Variants in AJAP1 observed in about 807,000 individuals in gnomAD.
The protein encoded by AJAP1 is adherens junction-associated protein 1.
Under a neutral mutation model 35.0 loss-of-function variants are expected in AJAP1, and 5 were observed. The observed-to-expected ratio is 0.14, with a 90% CI of 0.07 to 0.30. The LOEUF is 0.30. AJAP1 is among the 10% of genes least tolerant of loss of function. The pLI is 1.00. For synonymous variants in AJAP1, 284 were observed against 249.3 expected (o/e 1.14, Z -1.31); for missense variants, 586 against 571.0 (o/e 1.03, Z -0.27).
At chr1:4,779,017 C>T (rs1360201186) in intron 5 of AJAP1, among the ~76,000 whole-genome samples, 4 of 152,208 alleles carry the variant, frequency 2.6e-5, no homozygotes, top group Non-Finnish European at 4.4e-5. Context: ...GGATGCCTTG[C>T]ACATCTGCCC....
chr1:4,732,623 G>T (rs566123492), intron 2 of AJAP1, among the ~76,000 whole-genome samples: 2 of 152,380 alleles, frequency 1.3e-5, no homozygotes, highest in East Asian at 3.9e-4. Flanking sequence ...CCTTGTGCCA[G>T]GCCCCACTGT....
rs138566094 is a variant in AJAP1 at position 4,720,205 on chromosome 1, T to C, written c.829+7506T>C. On this transcript the variant is annotated intron_variant, in intron 2 of 5. Coordinates refer to ENST00000378191, the MANE Select transcript of AJAP1 (RefSeq NM_018836.4). The surrounding 1 kb of genome is among the most constrained non-coding windows in gnomAD (Gnocchi z 4.4). ...GGCAGACGAACGAGTAATGGACCCATGTGCCACGTGGTTAGACATGAAGAC... is the reference window on the plus strand; with the variant it reads ...GGCAGACGAACGAGTAATGGACCCACGTGCCACGTGGTTAGACATGAAGAC... Among the ~76,000 whole-genome samples, 1 of 152,290 alleles carries C rather than the reference T, an allele frequency of 6.6e-6. No individual in the cohort carries two copies. Among genetic ancestry groups the C allele is most frequent in the East Asian group, 1.9e-4 (1 of 5,172 alleles).
At chr1:4,731,861 G>A (rs188668085) in intron 2 of AJAP1, among the ~76,000 whole-genome samples, 2 of 152,362 alleles carry the variant, frequency 1.3e-5, no homozygotes, top group East Asian at 1.9e-4. Context: ...GCTCAGGTGG[G>A]TCCTGGGAGG....
At chr1:4,756,347 C>T (rs1196152353) in intron 2 of AJAP1, among the ~76,000 whole-genome samples, 1 of 152,196 alleles carries the variant, frequency 6.6e-6, no homozygotes, top group Non-Finnish European at 1.5e-5. Context: ...AGCCCAGGAC[C>T]AGTGCTCAGG....
rs964729330 is a variant in AJAP1, at chr1:4,784,531, T to G, written c.*2046T>G. Reference sequence around the variant, plus strand: ...CCTGATTCTTCCCTTGGGCTCAGTCTCCCTCTAAAACACCTTGTGATATGC... The same window carrying G: ...CCTGATTCTTCCCTTGGGCTCAGTCGCCCTCTAAAACACCTTGTGATATGC... On this transcript the variant is annotated 3_prime_UTR_variant, in exon 6 of 6. Transcript: ENST00000378191. The G allele has an allele frequency of 6.6e-6, 1 of 152,190 alleles. No individual in the cohort carries two copies. Among genetic ancestry groups the G allele is most frequent in the African/African-American group, 2.4e-5 (1 of 41,442 alleles). 9.4% of individuals were successfully genotyped at this position (152,190 alleles called of 1,614,324 possible).
intron 2 of AJAP1, among the ~76,000 whole-genome samples, chr1:4,721,487 G>A (rs987024899): frequency 7.2e-5 from 11 of 152,330 alleles, no homozygotes; most frequent in Admixed American, 2.0e-4. Flanking sequence ...AGAGTCGGAT[G>A]TCCCCACCAT....
intron 2 of AJAP1, among the ~76,000 whole-genome samples, chr1:4,739,556 A>G (rs1641009307): frequency 2.0e-5 from 3 of 152,158 alleles, no homozygotes; most frequent in Non-Finnish European, 4.4e-5. Flanking sequence ...GCAGAGATCA[A>G]TTTGCATTTC....
chr1:4,748,979 A>G (rs555917276), intron 2 of AJAP1, among the ~76,000 whole-genome samples: 75 of 152,224 alleles, frequency 4.9e-4, no homozygotes, highest in African/African-American at 1.6e-3. Flanking sequence ...AAGTCACCCA[A>G]TGTAAGGTGT....
intron 1 of AJAP1, among the ~76,000 whole-genome samples, chr1:4,674,204 G>T (rs1022092207): frequency 1.3e-5 from 2 of 152,190 alleles, no homozygotes; most frequent in Admixed American, 6.5e-5. Flanking sequence ...GCCCTGGAGA[G>T]GAGGCTTCAC....
intron 1 of AJAP1, among the ~76,000 whole-genome samples, chr1:4,690,604 G>C (rs147897880): frequency 1.4e-3 from 214 of 152,346 alleles, no homozygotes; most frequent in African/African-American, 4.8e-3. Context: ...GGGTGTCACT[G>C]TGCCTGAGTC....
At chr1:4,665,258 T>A (rs1323478017) in intron 1 of AJAP1, among the ~76,000 whole-genome samples, 1 of 152,142 alleles carries the variant, frequency 6.6e-6, no homozygotes, top group Non-Finnish European at 1.5e-5. Flanking sequence ...TTTATGACAC[T>A]GCATTTCAAA....
At chr1:4,748,513 T>A (rs1275921688) in intron 2 of AJAP1, among the ~76,000 whole-genome samples, 1 of 152,064 alleles carries the variant, frequency 6.6e-6, no homozygotes, top group East Asian at 1.9e-4. Context: ...TTTGGGAGGC[T>A]GAGGTGGACA....
At chr1:4,769,653 G>C (rs904836116) in intron 2 of AJAP1, among the ~76,000 whole-genome samples, 200 bp from the exon 3 acceptor site, 1 of 152,018 alleles carries the variant, frequency 6.6e-6, no homozygotes, top group Non-Finnish European at 1.5e-5. Context: ...TGGACCCCGG[G>C]TGAGAGCAGC....
At position 4,655,491 on chromosome 1, in the gene AJAP1, C is replaced by T. The variant is rs200395885; in HGVS notation, c.29+37C>T. 26 of 1,559,014 alleles carry T rather than the reference C, an allele frequency of 1.7e-5. No homozygotes were observed. The Middle Eastern group carries it at 5.1e-4, about 31-fold the overall frequency. On this transcript the variant is annotated intron_variant, in intron 1 of 5. Transcript: ENST00000378191. The surrounding 1 kb of genome is among the most constrained non-coding windows in gnomAD (Gnocchi z 6.9). The stretch of plus-strand genomic sequence containing the variant: ...GGCCGGCGCCGGGTGCGTGTGGGCG[C>T]GTGGGTGCCAGGCTGGGCGGAAGCG...
chr1:4,661,761 G>T (rs1639004297), intron 1 of AJAP1, among the ~76,000 whole-genome samples: 1 of 152,218 alleles, frequency 6.6e-6, no homozygotes, highest in African/African-American at 2.4e-5. Context: ...GAAATCACAA[G>T]TCTCTCTGGT....
At chr1:4,664,713 C>T (rs1639078533) in intron 1 of AJAP1, among the ~76,000 whole-genome samples, 1 of 152,076 alleles carries the variant, frequency 6.6e-6, no homozygotes, top group South Asian at 2.1e-4. Flanking sequence ...CTACTTGGAG[C>T]ATCTGAATGA....
chr1:4,660,230 G>C (rs6691554), intron 1 of AJAP1, among the ~76,000 whole-genome samples: 45,453 of 152,148 alleles, frequency 0.3, 8,699 homozygotes, highest in African/African-American at 0.55. Context: ...GGGGCATGCC[G>C]GCCCTGCATC....
chr1:4,775,713 C>G (rs763446712), intron 5 of AJAP1, among the ~76,000 whole-genome samples: 2 of 152,226 alleles, frequency 1.3e-5, no homozygotes, highest in Non-Finnish European at 2.9e-5. Flanking sequence ...GTTCTGCCAA[C>G]TGGCAAAGAA....
At chr1:4,748,065 G>T (rs116021273) in intron 2 of AJAP1, among the ~76,000 whole-genome samples, 2 of 149,256 alleles carry the variant, frequency 1.3e-5, no homozygotes, top group Non-Finnish European at 3.0e-5. Flanking sequence ...CTGTGTCCCC[G>T]CACCCAGATT....
Sources: allele counts gnomAD v4.1 joint callset (sites outside exome capture counted in the v4.1 genomes callset), GRCh38; gene constraint gnomAD v4.1.1; non-coding constraint Gnocchi (gnomAD v3.1); transcripts MANE v1.5; gene names NCBI Gene and HGNC (gene_info 2026-07-23, HGNC 2026-07-21).